DCC: variants seen among roughly 807,000 people sequenced by gnomAD.
DCC encodes DCC netrin 1 receptor.
DCC carries 58 observed loss-of-function variants against 172.5 expected under a neutral mutation model. The observed-to-expected ratio is 0.34, with a 90% CI of 0.27 to 0.42. The LOEUF (loss-of-function observed/expected upper bound fraction) is 0.42. DCC is among the 10% of genes least tolerant of loss of function. The pLI, the probability that DCC is intolerant of heterozygous loss-of-function variation, is 1.00. For synonymous variants in DCC, 709 were observed against 644.5 expected (o/e 1.10, Z -1.52); for missense variants, 1,740 against 1,791.0 (o/e 0.97, Z 0.51).
chr18:53,451,007 C>A lies in DCC; in HGVS notation c.3392+345C>A, dbSNP rs146619345. 3.9e-5 allele frequency among the ~76,000 whole-genome samples: 6 copies of A among 152,288 alleles called. No individual in the cohort carries two copies. The East Asian group carries it at 9.7e-4, about 25-fold the overall frequency. On this transcript the variant is annotated intron_variant, in intron 23 of 28. Coordinates refer to ENST00000442544, the MANE Select transcript of DCC (RefSeq NM_005215.4). ...TTCTGGCCTTCCCTGAAATCATGTA[C>A]ACGAGATTTGAGGAATGTGTTTCTC...
intron 1 of DCC, among the ~76,000 whole-genome samples, chr18:52,397,428 G>A (rs754443524): frequency 4.6e-5 from 7 of 151,980 alleles, no homozygotes; most frequent in Non-Finnish European, 1.0e-4. Context: ...GGGAGCATTC[G>A]CTGACTGCAC....
At chr18:52,983,365 A>C (rs1452442007) in intron 5 of DCC, among the ~76,000 whole-genome samples, 6 of 152,126 alleles carry the variant, frequency 3.9e-5, no homozygotes, top group African/African-American at 1.4e-4. Flanking sequence ...AAAAATCCAA[A>C]AGTTGTTTTT....
intron 1 of DCC, among the ~76,000 whole-genome samples, chr18:52,576,086 C>T (rs771057739): frequency 6.6e-6 from 1 of 151,976 alleles, no homozygotes; most frequent in African/African-American, 2.4e-5. Context: ...AAGATTTTTG[C>T]GGCATGAGGT....
At chr18:53,019,079 C>T (rs2041845709) in intron 5 of DCC, among the ~76,000 whole-genome samples, 1 of 152,066 alleles carries the variant, frequency 6.6e-6, no homozygotes, top group African/African-American at 2.4e-5. Context: ...TAAAATTGGC[C>T]GCTGACTGGG....
chr18:53,165,788 C>T (rs1041663204), intron 8 of DCC, among the ~76,000 whole-genome samples: 2 of 152,158 alleles, frequency 1.3e-5, no homozygotes, highest in African/African-American at 2.4e-5. Context: ...GAGAACCCAG[C>T]AGATTCTCTG....
At chr18:52,955,062 C>T (rs1470233629) in intron 5 of DCC, among the ~76,000 whole-genome samples, 1 of 152,148 alleles carries the variant, frequency 6.6e-6, no homozygotes, top group Non-Finnish European at 1.5e-5. Context: ...ACATGATTAT[C>T]ACCCAAGGTC....
intron 1 of DCC, among the ~76,000 whole-genome samples, chr18:52,738,106 A>C (rs1019036766): frequency 1.7e-4 from 26 of 152,136 alleles, no homozygotes; most frequent in African/African-American, 6.3e-4. Flanking sequence ...AGCGCAAAAA[A>C]ATTTATTATC....
At chr18:52,686,254 C>A (rs142519246) in intron 1 of DCC, among the ~76,000 whole-genome samples, 1 of 152,252 alleles carries the variant, frequency 6.6e-6, no homozygotes, top group East Asian at 1.9e-4. Context: ...ATTCAGCCAA[C>A]TGGCCACATA....
intron 1 of DCC, among the ~76,000 whole-genome samples, chr18:52,345,546 G>T (rs1190522001): frequency 6.6e-6 from 1 of 152,026 alleles, no homozygotes; most frequent in South Asian, 2.1e-4. Context: ...TGAATTTTTC[G>T]GCAGCCTGCT....
At chr18:52,655,294 C>A (rs1030593755) in intron 1 of DCC, among the ~76,000 whole-genome samples, 6 of 152,098 alleles carry the variant, frequency 3.9e-5, no homozygotes, top group African/African-American at 1.4e-4. Context: ...GAGGGTCAGG[C>A]AGTCTTAAGA....
intron 1 of DCC, among the ~76,000 whole-genome samples, chr18:52,640,407 A>G (rs1298706678): frequency 6.6e-6 from 1 of 152,216 alleles, no homozygotes; most frequent in African/African-American, 2.4e-5. Context: ...ATTGGTAAAG[A>G]GGAAGTTGAA....
chr18:53,261,354 G>T (rs151115089), intron 12 of DCC, among the ~76,000 whole-genome samples: 3 of 152,154 alleles, frequency 2.0e-5, no homozygotes, highest in Non-Finnish European at 2.9e-5. Flanking sequence ...CCACACCCTC[G>T]TGAGGACGTT....
intron 14 of DCC, among the ~76,000 whole-genome samples, chr18:53,329,267 TTAAAGAAGA>T (rs1962613244): frequency 6.6e-6 from 1 of 151,108 alleles, no homozygotes; most frequent in Admixed American, 6.6e-5. Flanking sequence ...ATTTCTGTTA[TTAAAGAAGA>T]TAGAGGTTTT....
intron 1 of DCC, among the ~76,000 whole-genome samples, chr18:52,449,445 A>C (rs188013268): frequency 1.3e-5 from 2 of 152,234 alleles, no homozygotes; most frequent in Non-Finnish European, 2.9e-5. Context: ...CCTTAGAGCA[A>C]TATTTGGTCC....
At chr18:52,828,227 T>A (rs1000468031) in intron 2 of DCC, among the ~76,000 whole-genome samples, 2 of 152,156 alleles carry the variant, frequency 1.3e-5, no homozygotes, top group African/African-American at 4.8e-5. Context: ...TCATGATGGA[T>A]TTTTGAGATT....
At chr18:53,123,376 A>C (rs752817188) in intron 7 of DCC, among the ~76,000 whole-genome samples, 4 of 152,010 alleles carry the variant, frequency 2.6e-5, no homozygotes, top group Non-Finnish European at 2.9e-5. Context: ...GGCTTTCAGA[A>C]ACTGAAGGAT....
rs367550030 is a variant in DCC, at chr18:52,422,668, A to G, written c.91+81790A>G. Among the ~76,000 whole-genome samples, 115 of 152,186 alleles carry G rather than the reference A, an allele frequency of 7.6e-4. 1 individual carries two copies. The highest frequency in any genetic ancestry group is 2.8e-3 in the African/African-American group (115 of 41,440). On this transcript the variant is annotated intron_variant, in intron 1 of 28. Transcript: ENST00000442544. ...ATGACACAAAAAGGTTCATTACCAGATGTGCAATGCAAAGACAAGTGCTTT... is the reference window on the plus strand; with the variant it reads ...ATGACACAAAAAGGTTCATTACCAGGTGTGCAATGCAAAGACAAGTGCTTT...
intron 7 of DCC, among the ~76,000 whole-genome samples, chr18:53,072,238 A>T (rs550339763): frequency 1.3e-5 from 2 of 152,302 alleles, no homozygotes; most frequent in South Asian, 4.1e-4. Flanking sequence ...GGCATACTGG[A>T]TGGTGATAAA....
At chr18:52,588,895 A>T (rs530472804) in intron 1 of DCC, among the ~76,000 whole-genome samples, 1 of 152,068 alleles carries the variant, frequency 6.6e-6, no homozygotes, top group Non-Finnish European at 1.5e-5. Context: ...TTGACTAATC[A>T]GAGACTCAAG....
Sources: allele counts gnomAD v4.1 joint callset (sites outside exome capture counted in the v4.1 genomes callset), GRCh38; gene constraint gnomAD v4.1.1; transcripts MANE v1.5; gene names NCBI Gene and HGNC (gene_info 2026-07-23, HGNC 2026-07-21).